Variants in CUL9 observed in about 807,000 individuals in gnomAD.
The protein encoded by CUL9 is cullin 9, also known as cullin-9.
In CUL9, 79 loss-of-function variants were observed where a neutral mutation model predicts 272.6. The ratio of observed to expected loss-of-function variants is 0.29; its 90% confidence interval spans 0.24 to 0.35. CUL9 has a LOEUF of 0.35. Among genes scored for constraint, CUL9 ranks in the 10% least tolerant of loss-of-function variants. CUL9 has a pLI of 1.00. For synonymous variants in CUL9, 1,186 were observed against 1,286.5 expected, an observed-to-expected ratio of 0.92 and a Z score of 1.67; for missense variants, 2,532 against 3,255.6, an observed-to-expected ratio of 0.78 and a Z score of 5.41.
At position 43,203,917 on chromosome 6, in the gene CUL9, C is replaced by T. The variant is rs139675587; in HGVS notation, c.4089C>T (p.Ala1363=). 76 of 1,613,614 alleles carry T rather than the reference C, an allele frequency of 4.7e-5. No homozygotes were observed. The Middle Eastern group carries it at 8.3e-4, about 18-fold the overall frequency. The change falls in exon 20 of 41, where the codon GCC becomes GCT. Residue 1363 remains alanine (A), a synonymous_variant. Transcript: ENST00000252050. This position sits in a 1 kb window ranked among gnomAD's most constrained non-coding sequence, Gnocchi z 5.0. ...FADRFLPDDE[A]AQALGKTCWE... is the part of the protein sequence containing the mutation. ...ACCGCTTCCTCCCTGATGATGAGGCCGCCCAGGCACTGGGCAAGACCTGCT... is the reference window on the plus strand; with the variant it reads ...ACCGCTTCCTCCCTGATGATGAGGCTGCCCAGGCACTGGGCAAGACCTGCT...
chr6:43,199,965 G>T lies in CUL9; in HGVS notation c.3193G>T (p.Ala1065Ser), dbSNP rs1212146368. The change falls in exon 14 of 41, where the codon GCC becomes TCC. Residue 1065 changes from alanine (A) to serine (S), a missense_variant. Physicochemically the swap from Ala to Ser is moderately conservative, Grantham distance 99 (BLOSUM62 1). Transcript: ENST00000252050. This position sits in a 1 kb window ranked among gnomAD's most constrained non-coding sequence, Gnocchi z 4.4. ...GCTGACCTGCTTCCTACATCGCCTGGCCTCGATGCATAAGGACTATGCTGT... is the reference window on the plus strand; with the variant it reads ...GCTGACCTGCTTCCTACATCGCCTGTCCTCGATGCATAAGGACTATGCTGT... ...QELTCFLHRL[A>S]SMHKDYAVVL... 1 of 1,614,174 alleles carries T rather than the reference G, an allele frequency of 6.2e-7. No homozygotes were observed. The highest frequency in any genetic ancestry group is 2.2e-5 in the East Asian group (1 of 44,884).
chr6:43,193,438 T>C (rs528743024), intron 9 of CUL9, among the ~76,000 whole-genome samples: 1 of 152,334 alleles, frequency 6.6e-6, no homozygotes, highest in African/African-American at 2.4e-5. Context: ...CTTGCTATGT[T>C]GCCCAGACTG....
At position 43,206,329 on chromosome 6, in the gene CUL9, G is replaced by A. The variant is rs752904649; in HGVS notation, c.5031G>A (p.Glu1677=). The A allele has an allele frequency of 3.1e-6, 5 of 1,614,044 alleles. No homozygotes were observed. In the African/African-American group the frequency reaches 5.3e-5, roughly 17 times the overall value. The change falls in exon 26 of 41, where the codon GAG becomes GAA. Residue 1677 remains glutamate (E), a synonymous_variant. Coordinates refer to ENST00000252050, the MANE Select transcript of CUL9 (RefSeq NM_015089.4). The surrounding 1 kb of genome is among the most constrained non-coding windows in gnomAD (Gnocchi z 4.8). ...ATCCTTCTGTCCCTCAGGAGGAAGA[G>A]GAGGAAGAGGAAGCTGAGAAAGAAT... is the stretch of plus-strand genomic sequence containing the variant. ...EKRLEEEEEE[E]EEEEAEKELF...
In CUL9 at chr6:43,218,774, G is replaced by GGGT. The variant is rs750605078; in HGVS notation, c.6283-1682_6283-1680dup. ...TTCCTGTGCTTTGACCTGAGCACCT[G>GGGT]GGTGGATGGCATGTGTCATCTTTAC... is the stretch of plus-strand genomic sequence containing the variant. On this transcript the variant is annotated intron_variant, in intron 31 of 40. Transcript: ENST00000252050. This position sits in a 1 kb window ranked among gnomAD's most constrained non-coding sequence, Gnocchi z 4.4. Among the ~76,000 whole-genome samples the GGGT allele has an allele frequency of 3.3e-5, 5 of 152,318 alleles. No homozygotes were observed. Among genetic ancestry groups the GGGT allele is most frequent in the Non-Finnish European group, 7.3e-5 (5 of 68,028 alleles).
chr6:43,191,270 GTGTGTGTGTGT>G (rs1773445340), intron 8 of CUL9, among the ~76,000 whole-genome samples: 1 of 148,010 alleles, frequency 6.8e-6, no homozygotes, highest in African/African-American at 2.5e-5. Context: ...GTGTGTGTGT[GTGTGTGTGTGT>G]GTGTGTGTGT....
intron 36 of CUL9, 27 bp from the exon 37 acceptor site, chr6:43,222,504 G>C: frequency 6.2e-7 from 1 of 1,612,518 alleles, no homozygotes; most frequent in Non-Finnish European, 8.5e-7. Context: ...CACCTGTGCT[G>C]GTACTGATAC....
At chr6:43,204,059 C>T in intron 20 of CUL9, 72 bp downstream of exon 20, 1 of 1,511,560 alleles carries the variant, frequency 6.6e-7, no homozygotes, top group Non-Finnish European at 8.9e-7. Context: ...TGAGTTAATG[C>T]TCTTGGTTCT....
rs1296163090 is a variant in CUL9, at chr6:43,184,030, C to T, written c.-9-272C>T. Among the ~76,000 whole-genome samples, 2 of 152,128 alleles carry T rather than the reference C, an allele frequency of 1.3e-5. No individual in the cohort carries two copies. The highest frequency in any genetic ancestry group is 2.9e-5 in the Non-Finnish European group (2 of 68,038). ...CCTCCTAAAGTGCTGGGATTACAGG[C>T]GTGAGCCACTGGGCGCAGCCAACTC... On this transcript the variant is annotated intron_variant, in intron 1 of 40. Coordinates refer to ENST00000252050, the MANE Select transcript of CUL9 (RefSeq NM_015089.4). This position sits in a 1 kb window ranked among gnomAD's most constrained non-coding sequence, Gnocchi z 4.8.
chr6:43,188,933 CT>C (rs1773166680), intron 8 of CUL9: 2 of 451,370 alleles, frequency 4.4e-6, no homozygotes, highest in Admixed American at 7.8e-5. Flanking sequence ...TACATGCATT[CT>C]CTCATTAAAT....
chr6:43,220,944 A>T lies in CUL9; in HGVS notation c.6588+33A>T. On this transcript the variant is annotated intron_variant, in intron 33 of 40. Transcript: ENST00000252050. The surrounding 1 kb of genome is among the most constrained non-coding windows in gnomAD (Gnocchi z 4.9). The stretch of plus-strand genomic sequence containing the variant: ...CCCCACACTGGCCCTGACCCTGAGC[A>T]AGGATTCACACTCCTTCCCTGCTTA... 1 of 1,571,126 alleles carries T rather than the reference A, an allele frequency of 6.4e-7. No homozygotes were observed. Among genetic ancestry groups the T allele is most frequent in the South Asian group, 1.2e-5 (1 of 86,286 alleles).
In CUL9 at chr6:43,199,866, C is replaced by T; in HGVS notation, c.3157-63C>T. Reference sequence around the variant, plus strand: ...GACACTTCCTTTACTGAACCCTCTCCTCAATCCTTACATGTCCTACCTCTT... The same window carrying T: ...GACACTTCCTTTACTGAACCCTCTCTTCAATCCTTACATGTCCTACCTCTT... On this transcript the variant is annotated intron_variant, in intron 13 of 40. Transcript: ENST00000252050. The surrounding 1 kb of genome is among the most constrained non-coding windows in gnomAD (Gnocchi z 4.4). The T allele has an allele frequency of 7.4e-7, 1 of 1,353,722 alleles. No individual in the cohort carries two copies. The highest frequency in any genetic ancestry group is 1.1e-6 in the Non-Finnish European group (1 of 947,184). 83.9% of individuals were successfully genotyped at this position (1,353,722 alleles called of 1,614,324 possible).
chr6:43,198,713 G>C lies in CUL9; in HGVS notation c.2908G>C (p.Val970Leu). The C allele has an allele frequency of 6.2e-7, 1 of 1,614,176 alleles. No individual in the cohort carries two copies. The highest frequency in any genetic ancestry group is 1.3e-5 in the African/African-American group (1 of 75,062). The change falls in exon 12 of 41, where the codon GTG becomes CTG. Residue 970 changes from valine (V) to leucine (L), a missense_variant. Coordinates refer to ENST00000252050, the MANE Select transcript of CUL9 (RefSeq NM_015089.4). ...AGAACTACTCCTGGACTTGGAGCGT[G>C]TGCTGTGCCGTGAGGGCAGCCCCGG... ...SAELLLDLER[V>L]LCREGSPGGA...
In CUL9 at chr6:43,223,353, C is replaced by T. The variant is rs775577179; in HGVS notation, c.7240C>T (p.Arg2414Trp). The T allele has an allele frequency of 6.2e-6, 10 of 1,601,314 alleles. No individual in the cohort carries two copies. The highest frequency in any genetic ancestry group is 2.3e-5 in the South Asian group (2 of 88,702). ...CAGCACGGGCATGGAGCTGCTCCGG[C>T]GGATCCAGGAGAGGCTGCTTGCCAT... Reference protein sequence around the residue: ...CLSTGMELLRRIQERLLAILQ... With the variant: ...CLSTGMELLRWIQERLLAILQ... Residue 2414 changes from arginine (R) to tryptophan (W), a missense_variant, in exon 39 of 41, where the codon CGG (arginine) becomes TGG (tryptophan). Arg to Trp is a moderately radical substitution (Grantham distance 101). This residue lies in a region of CUL9 where 237 missense variants were observed against 305.9 expected (regional missense o/e 0.77). Coordinates refer to ENST00000252050, the MANE Select transcript of CUL9 (RefSeq NM_015089.4). This position sits in a 1 kb window ranked among gnomAD's most constrained non-coding sequence, Gnocchi z 4.1.
At chr6:43,187,178 G>A in intron 5 of CUL9, 68 bp from the exon 6 acceptor site, 14 of 1,604,788 alleles carry the variant, frequency 8.7e-6, no homozygotes, top group Non-Finnish European at 1.1e-5. Flanking sequence ...ACCAGGAGCA[G>A]CCCTAGGGGT....
In CUL9 at chr6:43,213,393, C is replaced by CCTTTT; in HGVS notation, c.5359-40_5359-36dup. 1 of 1,612,118 alleles carries CCTTTT rather than the reference C, an allele frequency of 6.2e-7. No homozygotes were observed. The highest frequency in any genetic ancestry group is 8.5e-7 in the Non-Finnish European group (1 of 1,178,528). ...CCTCCTTCATCCTTACTCCCCTCTT[C>CCTTTT]CTTTTCTTTCCTTTGACTCCTGACT... On this transcript the variant is annotated intron_variant, in intron 27 of 40. Coordinates refer to ENST00000252050, the MANE Select transcript of CUL9 (RefSeq NM_015089.4). The surrounding 1 kb of genome is among the most constrained non-coding windows in gnomAD (Gnocchi z 5.7).
chr6:43,211,291 C>T (rs1775456077), intron 26 of CUL9, among the ~76,000 whole-genome samples: 1 of 152,230 alleles, frequency 6.6e-6, no homozygotes, highest in African/African-American at 2.4e-5. Context: ...GCCACGGTGG[C>T]TCATGCCTGT....
At chr6:43,210,866 G>A (rs1775421784) in intron 26 of CUL9, among the ~76,000 whole-genome samples, 1 of 151,910 alleles carries the variant, frequency 6.6e-6, no homozygotes, top group Admixed American at 6.6e-5. Context: ...ATATACATAT[G>A]ATTCTACCCT....
Position 43,203,619 on chromosome 6 carries a change from G to A in CUL9, c.4025+27G>A, listed in dbSNP as rs1774809057. 1.2e-6 allele frequency: 2 copies of A among 1,607,224 alleles called. No homozygotes were observed. The highest frequency in any genetic ancestry group is 1.7e-5 in the Admixed American group (1 of 59,718). The stretch of plus-strand genomic sequence containing the variant: ...TGGGTGGGGCCTGAGGAGGGAAGAT[G>A]GGTAAGGGAACAGGACACTGTGAGA... On this transcript the variant is annotated intron_variant, in intron 19 of 40. Transcript: ENST00000252050. The surrounding 1 kb of genome is among the most constrained non-coding windows in gnomAD (Gnocchi z 5.0).
At chr6:43,192,705 T>C (rs2150545181) in intron 8 of CUL9, among the ~76,000 whole-genome samples, 1 of 152,310 alleles carries the variant, frequency 6.6e-6, no homozygotes, top group South Asian at 2.1e-4. Flanking sequence ...AACCACCTTT[T>C]AGGCATTTTG....
Sources: gnomAD v4.1 joint callset for allele counts (sites outside exome capture counted in the v4.1 genomes callset) on GRCh38, gnomAD v4.1.1 for gene constraint, gnomAD v4.1.1 regional missense constraint, Gnocchi (gnomAD v3.1) non-coding constraint, MANE v1.5 for transcripts, NCBI Gene and HGNC (gene_info 2026-07-23, HGNC 2026-07-21) for gene names.